The following IKZF2 variants were observed in gnomAD, a reference collection of about 807,000 sequenced individuals.
The protein encoded by IKZF2 is IKAROS family zinc finger 2.
A neutral mutation model predicts 49.2 loss-of-function variants in IKZF2; 15 were observed. The ratio of observed to expected loss-of-function variants is 0.30; its 90% CI spans 0.20 to 0.47. IKZF2 has a LOEUF of 0.47. IKZF2 is among the 20% of genes least tolerant of loss of function. IKZF2 has a pLI of 1.00. For missense variants in IKZF2, 567 were observed against 664.6 expected (o/e 0.85, Z 1.61); for synonymous variants, 227 against 221.4 (o/e 1.03, Z -0.23).
At chr2:213,120,769 G>A (rs968692145) in intron 4 of IKZF2, among the ~76,000 whole-genome samples, 2 of 152,116 alleles carry the variant, frequency 1.3e-5, no homozygotes, top group African/African-American at 4.8e-5. Flanking sequence ...TTTTGAGACA[G>A]TCTCGTAGTA....
chr2:213,063,341 G>GT (rs1344356129), intron 4 of IKZF2, among the ~76,000 whole-genome samples: 1 of 151,954 alleles, frequency 6.6e-6, no homozygotes, highest in Non-Finnish European at 1.5e-5. Context: ...CAACAATAGT[G>GT]TAGTAAAGTT....
At chr2:213,049,011 A>T (rs964304699) in intron 6 of IKZF2, among the ~76,000 whole-genome samples, 9 of 152,076 alleles carry the variant, frequency 5.9e-5, no homozygotes, top group Non-Finnish European at 1.2e-4. Context: ...TAAAAGTCAA[A>T]TGAGATTCAT....
chr2:213,025,649 C>T (rs906918296), intron 6 of IKZF2, among the ~76,000 whole-genome samples: 1 of 152,126 alleles, frequency 6.6e-6, no homozygotes, highest in African/African-American at 2.4e-5. Context: ...TACTTCAAAT[C>T]CATACTTGCA....
At chr2:213,062,477 A>G (rs1035015616) in intron 4 of IKZF2, among the ~76,000 whole-genome samples, 41 of 151,866 alleles carry the variant, frequency 2.7e-4, no homozygotes, top group Non-Finnish European at 4.7e-4. Context: ...GCCAAAGTGT[A>G]TATTTTAATT....
At chr2:213,135,638 T>A (rs1396159861) in intron 4 of IKZF2, among the ~76,000 whole-genome samples, 1 of 147,862 alleles carries the variant, frequency 6.8e-6, no homozygotes, top group Non-Finnish European at 1.5e-5. Flanking sequence ...TGAGCTATAA[T>A]CGTGACACCG....
chr2:213,148,630 A>G lies in IKZF2; in HGVS notation c.-1T>C. ...AGCCATCAATAGCCTCTGTTTCCATAGTCAAAGTGCAATGCTGCAAAACAA... is the reference window on the plus strand; with the variant it reads ...AGCCATCAATAGCCTCTGTTTCCATGGTCAAAGTGCAATGCTGCAAAACAA... On this transcript the variant is annotated 5_prime_UTR_variant, in exon 3 of 9. Transcript: ENST00000434687. 3 of 1,611,670 alleles carry G rather than the reference A, an allele frequency of 1.9e-6. No individual in the cohort carries two copies. The highest frequency in any genetic ancestry group is 2.5e-6 in the Non-Finnish European group (3 of 1,177,856).
intron 4 of IKZF2, among the ~76,000 whole-genome samples, chr2:213,105,333 C>T (rs1186357194): frequency 1.3e-5 from 2 of 152,020 alleles, no homozygotes; most frequent in Non-Finnish European, 2.9e-5. Context: ...CCAACTGTTC[C>T]CAAAAGTACC....
chr2:213,011,237 A>G (rs967156614), intron 8 of IKZF2, among the ~76,000 whole-genome samples: 1 of 152,092 alleles, frequency 6.6e-6, no homozygotes, highest in African/African-American at 2.4e-5. Flanking sequence ...CAACAATTTC[A>G]TCTTTGAAGA....
intron 4 of IKZF2, among the ~76,000 whole-genome samples, chr2:213,092,219 A>C (rs1705426592): frequency 6.6e-6 from 1 of 151,990 alleles, no homozygotes; most frequent in South Asian, 2.1e-4. Flanking sequence ...TGTAGAGATG[A>C]GATCTCCCTA....
rs1695499197 is a variant in IKZF2, at chr2:213,007,816, A to T, written c.1125T>A (p.Ser375Arg). The T allele has an allele frequency of 3.7e-6, 6 of 1,613,624 alleles. No homozygotes were observed. The highest frequency in any genetic ancestry group is 5.1e-6 in the Non-Finnish European group (6 of 1,179,740). ...ERPISRETADSHENNMDGPIS... is the reference protein window; with the variant it reads ...ERPISRETADRHENNMDGPIS... Reference sequence around the variant, plus strand: ...TGGGGCCATCCATGTTGTTTTCATGACTATCAGCAGTTTCCCTGCTAATGG... The same window carrying T: ...TGGGGCCATCCATGTTGTTTTCATGTCTATCAGCAGTTTCCCTGCTAATGG... The change falls in exon 9 of 9, where the codon AGT (serine) becomes AGA (arginine). Residue 375 changes from serine (S) to arginine (R), a missense_variant. Around this residue, in one of 5 missense-constraint regions of IKZF2, gnomAD observed 310 missense variants for 326.9 expected, o/e 0.95. Coordinates refer to ENST00000434687, the MANE Select transcript of IKZF2 (RefSeq NM_001387220.1).
Position 213,007,212 on chromosome 2 carries a change from G to T in IKZF2, c.*148C>A. On this transcript the variant is annotated 3_prime_UTR_variant, in exon 9 of 9. Coordinates refer to ENST00000434687, the MANE Select transcript of IKZF2 (RefSeq NM_001387220.1). Reference sequence around the variant, plus strand: ...GTAATTAGGCAGAGCAAATGACACTGCCTCCACAAAATAAGAATTATCAAC... The same window carrying T: ...GTAATTAGGCAGAGCAAATGACACTTCCTCCACAAAATAAGAATTATCAAC... The T allele has an allele frequency of 1.2e-6, 1 of 829,110 alleles. No homozygotes were observed. Among genetic ancestry groups the T allele is most frequent in the Non-Finnish European group, 1.8e-6 (1 of 550,012 alleles). The allele number at this position is 829,110 out of a possible 1,614,324, so 51.4% of individuals were successfully genotyped here. A position where few individuals can be genotyped will look rare whatever the true frequency, so the allele number is the denominator to read the frequency against.
intron 6 of IKZF2, among the ~76,000 whole-genome samples, chr2:213,023,324 T>C (rs570297512): frequency 2.0e-5 from 3 of 152,328 alleles, no homozygotes; most frequent in South Asian, 4.1e-4. Flanking sequence ...ACTGTACTGA[T>C]GAAAAAGAAA....
At chr2:213,143,868 G>A (rs532987209) in intron 4 of IKZF2, among the ~76,000 whole-genome samples, 2 of 151,764 alleles carry the variant, frequency 1.3e-5, no homozygotes, top group African/African-American at 4.8e-5. Context: ...CAAAAATATG[G>A]GCCAGTATTG....
chr2:213,038,385 G>T (rs7601107), intron 6 of IKZF2, among the ~76,000 whole-genome samples: 80,671 of 151,916 alleles, frequency 0.53, 22,070 homozygotes, highest in East Asian at 0.77. Flanking sequence ...AATGTAAATA[G>T]GAAAACAACC....
intron 4 of IKZF2, among the ~76,000 whole-genome samples, chr2:213,091,786 T>C (rs1705359929): frequency 1.3e-5 from 2 of 152,096 alleles, no homozygotes; most frequent in African/African-American, 4.8e-5. Flanking sequence ...CTAGTGCTAA[T>C]ATATTTTACT....
chr2:213,094,549 C>T (rs1705744844), intron 4 of IKZF2, among the ~76,000 whole-genome samples: 1 of 152,070 alleles, frequency 6.6e-6, no homozygotes. Flanking sequence ...CATGGGCACA[C>T]TGAGGCTGAG....
chr2:213,124,391 C>G (rs1202083694), intron 4 of IKZF2, among the ~76,000 whole-genome samples: 1 of 151,982 alleles, frequency 6.6e-6, no homozygotes, highest in Non-Finnish European at 1.5e-5. Flanking sequence ...ATGAAACTGC[C>G]ATTGTGCAGA....
At chr2:213,086,796 G>A (rs946795075) in intron 4 of IKZF2, among the ~76,000 whole-genome samples, 1 of 152,074 alleles carries the variant, frequency 6.6e-6, no homozygotes, top group Non-Finnish European at 1.5e-5. Context: ...GGGAGTGGAG[G>A]GGGGAGGAAA....
chr2:213,052,246 G>A lies in IKZF2; in HGVS notation c.407-2366C>T, dbSNP rs1700738595. On this transcript the variant is annotated intron_variant, in intron 5 of 8. Coordinates refer to ENST00000434687, the MANE Select transcript of IKZF2 (RefSeq NM_001387220.1). ...TAGTCTAGGTATATCTGGAAATATT[G>A]TCCTGTTGCTGAGTGTGGAAGTCAT... 2.6e-5 allele frequency among the ~76,000 whole-genome samples: 4 copies of A among 151,900 alleles called. No homozygotes were observed. In the South Asian group the frequency reaches 8.3e-4, roughly 32 times the overall value.
Sources: allele counts gnomAD v4.1 joint callset (sites outside exome capture counted in the v4.1 genomes callset), GRCh38; gene constraint gnomAD v4.1.1; regional missense constraint gnomAD v4.1.1; transcripts MANE v1.5; gene names NCBI Gene and HGNC (gene_info 2026-07-23, HGNC 2026-07-21).